The following C17orf99 variants were observed in gnomAD, a reference collection of about 807,000 sequenced individuals.
The protein encoded by C17orf99 is chromosome 17 open reading frame 99, also known as protein IL-40.
In C17orf99, 18 loss-of-function variants were observed where a neutral mutation model predicts 22.6. The observed-to-expected ratio is 0.80, with a 90% CI of 0.55 to 1.18. C17orf99 has a LOEUF of 1.18. Ranked by LOEUF, C17orf99 falls within the 50% of genes most tolerant of loss-of-function variation. The pLI, the probability that C17orf99 is intolerant of heterozygous loss-of-function variation, is 0.00. For missense variants in C17orf99, 328 were observed against 342.7 expected, an observed-to-expected ratio of 0.96 and a Z score of 0.34; for synonymous variants, 147 against 136.6, an observed-to-expected ratio of 1.08 and a Z score of -0.53.
At chr17:78,164,620 C>G in intron 4 of C17orf99, 2 of 1,503,526 alleles carry the variant, frequency 1.3e-6, no homozygotes, top group South Asian at 2.4e-5. Context: ...GCCTCCACTG[C>G]GGCCATCACC....
rs573710143 is a variant in C17orf99, at chr17:78,147,484, C to T, written c.70+573C>T. On this transcript the variant is annotated intron_variant, in intron 2 of 4. Coordinates refer to ENST00000340363, the MANE Select transcript of C17orf99 (RefSeq NM_001163075.2). ...GGGTACAGGACCAGGGAGGAGGGGACGCTGGGGAAGGTCCCTGACAGCCCC... is the reference window on the plus strand; with the variant it reads ...GGGTACAGGACCAGGGAGGAGGGGATGCTGGGGAAGGTCCCTGACAGCCCC... Among the ~76,000 whole-genome samples the T allele has an allele frequency of 8.5e-5, 13 of 152,248 alleles. No homozygotes were observed. In the East Asian group the frequency reaches 1.2e-3, roughly 14 times the overall value.
chr17:78,158,402 C>G (rs1201991394), intron 2 of C17orf99, among the ~76,000 whole-genome samples: 3 of 152,176 alleles, frequency 2.0e-5, no homozygotes, highest in African/African-American at 7.2e-5. Context: ...TCATGCCATT[C>G]TCCTGCCTCA....
At chr17:78,152,156 T>A (rs1172833091) in intron 2 of C17orf99, among the ~76,000 whole-genome samples, 2 of 136,948 alleles carry the variant, frequency 1.5e-5, no homozygotes, top group African/African-American at 6.2e-5. Context: ...GCAGAGCAGA[T>A]GAATTTTATT....
intron 2 of C17orf99, among the ~76,000 whole-genome samples, chr17:78,149,080 C>G (rs1405306113): frequency 2.0e-5 from 3 of 152,036 alleles, no homozygotes; most frequent in African/African-American, 7.2e-5. Flanking sequence ...GCCTGGAATC[C>G]CAGCACTTTG....
At position 78,161,101 on chromosome 17, in the gene C17orf99, A is replaced by G. The variant is rs1294725263; in HGVS notation, c.217A>G (p.Lys73Glu). 4 of 1,551,744 alleles carry G rather than the reference A, an allele frequency of 2.6e-6. No homozygotes were observed. Among genetic ancestry groups the G allele is most frequent in the African/African-American group, 1.4e-5 (1 of 73,164 alleles). The part of the protein sequence containing the change: ...CGTKNIKVAK[K>E]VVKTHEPASF... ...AACCAAGAACATCAAGGTGGCCAAG[A>G]AGGTGGTGAAGACCCACGAGCCGGC... Residue 73 changes from lysine to glutamate, a missense_variant, in exon 3 of 5, where the codon AAG becomes GAG. Coordinates refer to ENST00000340363, the MANE Select transcript of C17orf99 (RefSeq NM_001163075.2).
At chr17:78,147,934 C>T (rs937118957) in intron 2 of C17orf99, among the ~76,000 whole-genome samples, 1 of 152,218 alleles carries the variant, frequency 6.6e-6, no homozygotes, top group Non-Finnish European at 1.5e-5. Context: ...GCTAACTAAA[C>T]TCCTAAGAGA....
intron 2 of C17orf99, among the ~76,000 whole-genome samples, chr17:78,151,567 G>A (rs779034802): frequency 2.6e-5 from 4 of 151,922 alleles, no homozygotes; most frequent in Non-Finnish European, 4.4e-5. Context: ...CCAAGGCCCC[G>A]CGGGAGCACC....
chr17:78,153,127 G>A (rs1359956402), intron 2 of C17orf99, among the ~76,000 whole-genome samples: 3 of 151,684 alleles, frequency 2.0e-5, no homozygotes, highest in Non-Finnish European at 4.4e-5. Context: ...ATCCTTTATT[G>A]GCAGGCTGAT....
chr17:78,149,368 A>G (rs1338310029), intron 2 of C17orf99, among the ~76,000 whole-genome samples: 1 of 144,154 alleles, frequency 6.9e-6, no homozygotes, highest in Non-Finnish European at 1.5e-5. Context: ...AAAAGGCGCC[A>G]GTCCTTGGCC....
intron 2 of C17orf99, among the ~76,000 whole-genome samples, chr17:78,152,170 T>G (rs1237905053): frequency 6.6e-6 from 1 of 152,088 alleles, no homozygotes; most frequent in African/African-American, 2.4e-5. Context: ...TTTTATTTAT[T>G]TATTTATTTA....
At chr17:78,152,181 T>C (rs78328156) in intron 2 of C17orf99, among the ~76,000 whole-genome samples, 80 of 121,324 alleles carry the variant, frequency 6.6e-4, no homozygotes, top group East Asian at 1.0e-3. Context: ...TATTTATTTA[T>C]TTACTTACTT....
At chr17:78,152,010 G>A (rs1444321319) in intron 2 of C17orf99, among the ~76,000 whole-genome samples, 2 of 152,116 alleles carry the variant, frequency 1.3e-5, no homozygotes, top group African/African-American at 2.4e-5. Flanking sequence ...GTCCGGGCCT[G>A]GACATGAGCC....
rs1399859426 is a variant in C17orf99, at chr17:78,158,043, C to G, written c.71-2912C>G. 1.5e-6 allele frequency: 2 copies of G among 1,357,696 alleles called. 1 individual carries two copies. Among genetic ancestry groups the G allele is most frequent in the African/African-American group, 2.9e-5 (2 of 69,108 alleles). The allele number at this position is 1,357,696 out of a possible 1,614,324, so 84.1% of individuals were successfully genotyped here. On this transcript the variant is annotated intron_variant, in intron 2 of 4. Transcript: ENST00000340363. ...ATTGGCATCCAGGATGGGCACCTAT[C>G]ACTGCTCCAGGACAGCATGGAGGTG...
rs2075491169 is a variant in C17orf99, at chr17:78,152,395, T to C, written c.70+5484T>C. On this transcript the variant is annotated intron_variant, in intron 2 of 4. Coordinates refer to ENST00000340363, the MANE Select transcript of C17orf99 (RefSeq NM_001163075.2). ...TGTCACCCAGGCTGGAGTGCAGTGG[T>C]GCAATCTTGGCTCGCTGCAGCCTCC... 2.7e-5 allele frequency among the ~76,000 whole-genome samples: 4 copies of C among 150,666 alleles called. No homozygotes were observed. In the South Asian group the frequency reaches 8.4e-4, roughly 32 times the overall value.
At chr17:78,145,764 C>A (rs1321934212), upstream of C17orf99, among the ~76,000 whole-genome samples, 1 of 151,438 alleles carries the variant, frequency 6.6e-6, no homozygotes. Flanking sequence ...ATGGTGCTCA[C>A]GGGCTCCAGA....
intron 2 of C17orf99, among the ~76,000 whole-genome samples, chr17:78,156,334 A>G (rs77989288): frequency 9.6e-6 from 1 of 104,192 alleles, no homozygotes; most frequent in Non-Finnish European, 2.3e-5. Flanking sequence ...CTTCTCCAGA[A>G]AAAAAAAAAA....
rs1057032119 is a variant in C17orf99, at chr17:78,146,704, G to A, written c.38-175G>A. Reference sequence around the variant, plus strand: ...ATGGGCGGATGAGAGGCGATGTTGTGGGGGGAGGGGCGCAAAAGAGCTTTT... The same window carrying A: ...ATGGGCGGATGAGAGGCGATGTTGTAGGGGGAGGGGCGCAAAAGAGCTTTT... On this transcript the variant is annotated intron_variant, in intron 1 of 4. Transcript: ENST00000340363. The surrounding 1 kb of genome is among the most constrained non-coding windows in gnomAD (Gnocchi z 5.2). The A allele has an allele frequency of 5.0e-5, 34 of 681,110 alleles. No homozygotes were observed. The highest frequency in any genetic ancestry group is 8.5e-5 in the Non-Finnish European group (33 of 390,084). The allele number at this position is 681,110 out of a possible 1,614,324, so 42.2% of individuals were successfully genotyped here.
chr17:78,160,771 C>A (rs758658660), intron 2 of C17orf99, 184 bp from the exon 3 acceptor site: 5 of 598,022 alleles, frequency 8.4e-6, no homozygotes, highest in Non-Finnish European at 1.5e-5. Flanking sequence ...TTAGTAGAGA[C>A]AGACTTTCAC....
intron 2 of C17orf99, among the ~76,000 whole-genome samples, chr17:78,151,497 A>T (rs1490749156): frequency 1.3e-5 from 2 of 151,818 alleles, no homozygotes; most frequent in Non-Finnish European, 2.9e-5. Context: ...AAGGAAACAC[A>T]TTCTCTGACA....
Sources: gnomAD v4.1 joint callset for allele counts (sites outside exome capture counted in the v4.1 genomes callset) on GRCh38, gnomAD v4.1.1 for gene constraint, Gnocchi (gnomAD v3.1) non-coding constraint, MANE v1.5 for transcripts, NCBI Gene and HGNC (gene_info 2026-07-23, HGNC 2026-07-21) for gene names.